Variants in GALNT13 observed in about 807,000 individuals in gnomAD.
GALNT13 encodes the protein UDP-GalNAc:polypeptide N-acetylgalactosaminyltransferase 13.
In GALNT13, 28 loss-of-function variants were observed where a neutral mutation model predicts 64.2. That is an observed-to-expected ratio of 0.44 (90% CI 0.32 to 0.60). The LOEUF (loss-of-function observed/expected upper bound fraction) is 0.60, where lower values mean the gene tolerates loss of function less well. GALNT13 is among the 20% of genes least tolerant of loss of function. The pLI is 0.05. For synonymous variants in GALNT13, 214 were observed against 224.6 expected, an observed-to-expected ratio of 0.95 and a Z score of 0.42; for missense variants, 577 against 669.8, an observed-to-expected ratio of 0.86 and a Z score of 1.53.
At chr2:153,601,288 T>C in the GALNT13 span, among the ~76,000 whole-genome samples, 1 of 151,736 alleles carries the variant, frequency 6.6e-6, no homozygotes, top group African/African-American at 2.4e-5. Flanking sequence ...ATGTTACATA[T>C]TCCTGAAACA....
At chr2:153,923,782 C>G (rs1049319420) in intron 2 of GALNT13, among the ~76,000 whole-genome samples, 2 of 144,524 alleles carry the variant, frequency 1.4e-5, no homozygotes, top group Non-Finnish European at 3.0e-5. Flanking sequence ...TGAGTGAGAA[C>G]ATGCGGTGTT....
the GALNT13 span, among the ~76,000 whole-genome samples, chr2:153,660,647 T>A: frequency 6.6e-6 from 1 of 151,598 alleles, no homozygotes; most frequent in Admixed American, 6.6e-5. Flanking sequence ...ATCTATGGCT[T>A]ACAAGGCCAT....
chr2:154,421,546 GAT>G (rs1700250623), intron 11 of GALNT13, among the ~76,000 whole-genome samples: 1 of 151,912 alleles, frequency 6.6e-6, no homozygotes, highest in South Asian at 2.1e-4. Flanking sequence ...TTGGATCTGA[GAT>G]ATCATGAGAT....
chr2:154,098,912 T>G (rs1310322271), intron 3 of GALNT13, among the ~76,000 whole-genome samples: 1 of 151,760 alleles, frequency 6.6e-6, no homozygotes, highest in Non-Finnish European at 1.5e-5. Flanking sequence ...TATAATGATT[T>G]TTTTTTTCCT....
chr2:153,368,089 A>G, the GALNT13 span, among the ~76,000 whole-genome samples: 1 of 152,176 alleles, frequency 6.6e-6, no homozygotes, highest in Non-Finnish European at 1.5e-5. Flanking sequence ...CATAACAGAT[A>G]TATACATAGG....
chr2:153,714,984 T>C, the GALNT13 span, among the ~76,000 whole-genome samples: 2 of 152,194 alleles, frequency 1.3e-5, no homozygotes, highest in Non-Finnish European at 1.5e-5. Context: ...TCTTTTTCTT[T>C]AGTTTATCCA....
intron 4 of GALNT13, among the ~76,000 whole-genome samples, chr2:154,187,485 A>T (rs1243882831): frequency 6.6e-6 from 1 of 152,028 alleles, no homozygotes; most frequent in African/African-American, 2.4e-5. Flanking sequence ...AAACATGTTA[A>T]TATATCACTG....
chr2:153,286,958 C>T, the GALNT13 span, among the ~76,000 whole-genome samples: 1 of 151,872 alleles, frequency 6.6e-6, no homozygotes, highest in East Asian at 1.9e-4. Flanking sequence ...ATTCAGAATA[C>T]GAGCAAACAT....
chr2:153,393,331 T>C, the GALNT13 span, among the ~76,000 whole-genome samples: 1 of 152,112 alleles, frequency 6.6e-6, no homozygotes, highest in Non-Finnish European at 1.5e-5. Context: ...TCTAGTTTCT[T>C]TGTCTTGTTT....
chr2:154,067,169 GAAATT>G (rs1338429319), intron 3 of GALNT13, among the ~76,000 whole-genome samples: 1 of 151,790 alleles, frequency 6.6e-6, no homozygotes, highest in Non-Finnish European at 1.5e-5. Flanking sequence ...TAAAAAGAAA[GAAATT>G]AAACATACCA....
chr2:153,463,867 G>T, the GALNT13 span, among the ~76,000 whole-genome samples: 1 of 151,882 alleles, frequency 6.6e-6, no homozygotes, highest in Non-Finnish European at 1.5e-5. Flanking sequence ...GGGAGGTGAT[G>T]GTATCACAAT....
chr2:153,125,680 T>G, the GALNT13 span, among the ~76,000 whole-genome samples: 3 of 152,212 alleles, frequency 2.0e-5, no homozygotes, highest in Non-Finnish European at 2.9e-5. Flanking sequence ...TTAATGTAAT[T>G]ATGTGAAATA....
chr2:153,800,045 G>GCTCTCTCTCTCTCTCTCTCTCTCT, the GALNT13 span, among the ~76,000 whole-genome samples: 739 of 118,950 alleles, frequency 6.2e-3, 10 homozygotes, highest in Non-Finnish European at 9.7e-3. Flanking sequence ...CATTTAGTTT[G>GCTCTCTCTCTCTCTCTCTCTCTCT]CTCTCTCTCT....
the GALNT13 span, among the ~76,000 whole-genome samples, chr2:153,522,238 T>C: frequency 6.6e-6 from 1 of 151,440 alleles, no homozygotes; most frequent in South Asian, 2.1e-4. Context: ...GAGGCTGAGG[T>C]GGGAGAATCG....
chr2:154,211,999 C>T (rs1457422249), intron 4 of GALNT13, among the ~76,000 whole-genome samples: 1 of 151,624 alleles, frequency 6.6e-6, no homozygotes, highest in South Asian at 2.1e-4. Flanking sequence ...AGATATGTAC[C>T]AAAGAAAAAA....
chr2:153,770,405 T>C, the GALNT13 span, among the ~76,000 whole-genome samples: 1 of 152,140 alleles, frequency 6.6e-6, no homozygotes. Context: ...ATTCTGGTTG[T>C]AGTAGTCATG....
chr2:153,445,473 G>T, the GALNT13 span, among the ~76,000 whole-genome samples: 1 of 152,074 alleles, frequency 6.6e-6, no homozygotes, highest in African/African-American at 2.4e-5. Context: ...GACCTTCCGG[G>T]CTCAGGTGAT....
intron 9 of GALNT13, among the ~76,000 whole-genome samples, chr2:154,319,491 C>G (rs1299670589): frequency 6.6e-6 from 1 of 151,846 alleles, no homozygotes; most frequent in Non-Finnish European, 1.5e-5. Flanking sequence ...CGTGGTGAAA[C>G]CCCATCTCTA....
At chr2:154,229,756 G>T (rs1688817398) in intron 4 of GALNT13, among the ~76,000 whole-genome samples, 2 of 152,010 alleles carry the variant, frequency 1.3e-5, no homozygotes, top group Non-Finnish European at 2.9e-5. Context: ...GCATGAGAGG[G>T]CTTTGTTCCC....
Sources: allele counts gnomAD v4.1 joint callset (sites outside exome capture counted in the v4.1 genomes callset), GRCh38; gene constraint gnomAD v4.1.1; transcripts MANE v1.5; gene names NCBI Gene and HGNC (gene_info 2026-07-23, HGNC 2026-07-21).